GPC5: variants seen among roughly 807,000 people sequenced by gnomAD.
GPC5 encodes the protein glypican-5.
Under a neutral mutation model 53.9 loss-of-function variants are expected in GPC5, and 47 were observed. The ratio of observed to expected loss-of-function variants is 0.87; its 90% CI spans 0.69 to 1.11. GPC5 has a LOEUF of 1.11. GPC5 is among the 50% of genes most tolerant of loss of function. The pLI is 0.00. For missense variants in GPC5, 748 were observed against 713.1 expected, an observed-to-expected ratio of 1.05 and a Z score of -0.56; for synonymous variants, 286 against 263.3, an observed-to-expected ratio of 1.09 and a Z score of -0.84.
chr13:91,888,096 T>C (rs1945256895), intron 5 of GPC5, among the ~76,000 whole-genome samples: 1 of 152,166 alleles, frequency 6.6e-6, no homozygotes, highest in South Asian at 2.1e-4. Context: ...AGAGGTTTAA[T>C]GGATACACAG....
intron 7 of GPC5, among the ~76,000 whole-genome samples, chr13:92,489,906 A>C (rs1465226074): frequency 2.6e-5 from 4 of 151,838 alleles, no homozygotes; most frequent in Non-Finnish European, 5.9e-5. Context: ...CTAAAAGGAT[A>C]AAATATAGGG....
intron 2 of GPC5, among the ~76,000 whole-genome samples, chr13:91,673,807 T>C (rs529512999): frequency 6.6e-6 from 1 of 152,290 alleles, no homozygotes; most frequent in South Asian, 2.1e-4. Context: ...TTAATATCCA[T>C]CAAAAACGAA....
chr13:92,842,919 A>T (rs1878479241), intron 7 of GPC5, among the ~76,000 whole-genome samples: 1 of 152,178 alleles, frequency 6.6e-6, no homozygotes, highest in Admixed American at 6.5e-5. Context: ...ATGGTCACTG[A>T]AAACAATGAC....
intron 7 of GPC5, among the ~76,000 whole-genome samples, chr13:92,713,721 A>C (rs1471353461): frequency 1.3e-5 from 2 of 152,104 alleles, no homozygotes; most frequent in East Asian, 3.9e-4. Flanking sequence ...GAAAATAAGA[A>C]ATGTCTTATT....
intron 7 of GPC5, among the ~76,000 whole-genome samples, chr13:92,223,196 A>T (rs1161082935): frequency 6.6e-6 from 1 of 152,164 alleles, no homozygotes; most frequent in Non-Finnish European, 1.5e-5. Context: ...ACCTCAAAGC[A>T]ATTCTGTTTT....
chr13:91,781,016 G>A (rs2037789717), intron 5 of GPC5, among the ~76,000 whole-genome samples: 1 of 152,180 alleles, frequency 6.6e-6, no homozygotes, highest in African/African-American at 2.4e-5. Flanking sequence ...GTGAAGTATG[G>A]GTAAGTGGGA....
chr13:91,440,519 C>T (rs928204407), intron 1 of GPC5, among the ~76,000 whole-genome samples: 2 of 152,192 alleles, frequency 1.3e-5, no homozygotes, highest in Non-Finnish European at 1.5e-5. Flanking sequence ...TCTTTTACCT[C>T]ATTGGAGATA....
intron 5 of GPC5, among the ~76,000 whole-genome samples, chr13:91,803,803 C>CACAT (rs71113763): frequency 0.31 from 46,074 of 149,352 alleles, 8,277 homozygotes; most frequent in East Asian, 0.59. Flanking sequence ...CACACACACA[C>CACAT]ACAGAGGAAA....
At position 92,482,610 on chromosome 13, in the gene GPC5, T is replaced by C. The variant is rs374330306; in HGVS notation, c.1561+337621T>C. 6.0e-4 allele frequency among the ~76,000 whole-genome samples: 91 copies of C among 152,298 alleles called. No individual in the cohort carries two copies. In the South Asian group the frequency reaches 0.018, roughly 30 times the overall value. On this transcript the variant is annotated intron_variant, in intron 7 of 7. Coordinates refer to ENST00000377067, the MANE Select transcript of GPC5 (RefSeq NM_004466.6). ...ATACTACTAGTTATATAATTAAATT[T>C]TAGTTTATGCACCAATTTGAATGAA...
At chr13:91,967,620 G>A (rs2040193163) in intron 6 of GPC5, among the ~76,000 whole-genome samples, 1 of 151,862 alleles carries the variant, frequency 6.6e-6, no homozygotes. Flanking sequence ...AATTATAAAT[G>A]CTTTTAAATA....
chr13:91,679,259 C>G (rs1193048039), intron 2 of GPC5, among the ~76,000 whole-genome samples: 1 of 152,002 alleles, frequency 6.6e-6, no homozygotes, highest in African/African-American at 2.4e-5. Context: ...ATACAGGTGC[C>G]ATGAGAACAG....
intron 7 of GPC5, among the ~76,000 whole-genome samples, chr13:92,848,524 A>G (rs770901353): frequency 2.7e-5 from 4 of 150,744 alleles, no homozygotes; most frequent in Non-Finnish European, 5.9e-5. Context: ...GAAAACAAAA[A>G]TAAACATAAT....
At chr13:92,512,999 C>T (rs1308785646) in intron 7 of GPC5, among the ~76,000 whole-genome samples, 1 of 152,212 alleles carries the variant, frequency 6.6e-6, no homozygotes, top group African/African-American at 2.4e-5. Flanking sequence ...CACATTGCTA[C>T]ATCCTGGCAA....
intron 2 of GPC5, among the ~76,000 whole-genome samples, chr13:91,552,832 G>T (rs2030725494): frequency 6.6e-6 from 1 of 152,002 alleles, no homozygotes; most frequent in Non-Finnish European, 1.5e-5. Flanking sequence ...GCCAGTTTTG[G>T]GACCAGTTTA....
In GPC5 at chr13:92,248,172, A is replaced by G. The variant is rs561176114; in HGVS notation, c.1561+103183A>G. Among the ~76,000 whole-genome samples, 14 of 150,418 alleles carry G rather than the reference A, an allele frequency of 9.3e-5. No homozygotes were observed. In the South Asian group the frequency reaches 2.3e-3, roughly 25 times the overall value. On this transcript the variant is annotated intron_variant, in intron 7 of 7. Transcript: ENST00000377067. ...TACTGTACAATACTTTGACGGGTTGACAAAATGTAAAATAGAGGTATGGCC... is the reference window on the plus strand; with the variant it reads ...TACTGTACAATACTTTGACGGGTTGGCAAAATGTAAAATAGAGGTATGGCC...
At chr13:92,675,666 G>A (rs116440944) in intron 7 of GPC5, among the ~76,000 whole-genome samples, 1 of 151,820 alleles carries the variant, frequency 6.6e-6, no homozygotes, top group East Asian at 1.9e-4. Context: ...TAGGACTAAA[G>A]TTTCTTATAT....
chr13:92,006,163 G>A (rs1373190533), intron 6 of GPC5, among the ~76,000 whole-genome samples: 2 of 148,590 alleles, frequency 1.3e-5, no homozygotes, highest in East Asian at 3.8e-4. Flanking sequence ...TATGACATAT[G>A]TGCAAACAAT....
chr13:91,496,882 T>G (rs1189045113), intron 2 of GPC5, among the ~76,000 whole-genome samples: 2 of 152,204 alleles, frequency 1.3e-5, no homozygotes, highest in Non-Finnish European at 2.9e-5. Flanking sequence ...GTATCTCATG[T>G]ACCCCATAAA....
At chr13:92,210,105 A>G (rs1018351564) in intron 7 of GPC5, among the ~76,000 whole-genome samples, 1 of 152,240 alleles carries the variant, frequency 6.6e-6, no homozygotes, top group Admixed American at 6.5e-5. Context: ...ACTGACTCAA[A>G]TGTTAATCTC....
Sources: allele counts gnomAD v4.1 joint callset (sites outside exome capture counted in the v4.1 genomes callset), GRCh38; gene constraint gnomAD v4.1.1; transcripts MANE v1.5; gene names NCBI Gene and HGNC (gene_info 2026-07-23, HGNC 2026-07-21).